Variants in CAMTA1 observed in about 807,000 individuals in gnomAD.
The protein encoded by CAMTA1 is calmodulin binding transcription activator 1.
In CAMTA1, 27 loss-of-function variants were observed where a neutral mutation model predicts 170.9. The observed-to-expected ratio is 0.16, with a 90% CI of 0.12 to 0.22. The LOEUF (loss-of-function observed/expected upper bound fraction) is 0.22, where lower values mean the gene tolerates loss of function less well. CAMTA1 is among the 10% of genes least tolerant of loss of function. The probability of loss-of-function intolerance (pLI) is 1.00; values close to 1 mark genes in which losing one functional copy is unlikely to be tolerated. For missense variants in CAMTA1, 1,619 were observed against 2,217.2 expected, an observed-to-expected ratio of 0.73 and a Z score of 5.42; for synonymous variants, 833 against 891.5, an observed-to-expected ratio of 0.93 and a Z score of 1.17.
chr1:7,525,912 C>T (rs887801530), intron 6 of CAMTA1, among the ~76,000 whole-genome samples: 14 of 152,172 alleles, frequency 9.2e-5, no homozygotes, highest in Admixed American at 1.3e-4. Context: ...CACAGACCCA[C>T]GGCCTGTGGG....
intron 3 of CAMTA1, among the ~76,000 whole-genome samples, chr1:6,864,861 A>G (rs1203599723): frequency 1.3e-5 from 2 of 152,184 alleles, no homozygotes; most frequent in Non-Finnish European, 2.9e-5. Context: ...GGGGTGGACA[A>G]GGCTGAGACG....
intron 5 of CAMTA1, among the ~76,000 whole-genome samples, chr1:7,370,992 A>G (rs1243847682): frequency 7.2e-6 from 1 of 138,656 alleles, no homozygotes; most frequent in Non-Finnish European, 1.5e-5. Flanking sequence ...GCTCACTGCA[A>G]GCTCCACCTC....
rs57797352 is a variant in CAMTA1, at chr1:7,405,668, G to A, written c.439-62162G>A. Among the ~76,000 whole-genome samples the A allele has an allele frequency of 5.2e-3, 796 of 152,216 alleles. 6 individuals are homozygous for A. The highest frequency in any genetic ancestry group is 0.018 in the African/African-American group (732 of 41,514). On this transcript the variant is annotated intron_variant, in intron 5 of 22. Coordinates refer to ENST00000303635, the MANE Select transcript of CAMTA1 (RefSeq NM_015215.4). ...ATTACAGGTGTAAGTCACCATACCC[G>A]GCCTGCAACAAGCTTTGATCTTGAA...
rs138527696 is a variant in CAMTA1 at position 7,718,795 on chromosome 1, G to A, written c.2915-13653G>A. ...TAATCTTGAACTCGTGACTTCAGGT[G>A]ATCCCCCTGCCTCAGCCTCCCAAAG... On this transcript the variant is annotated intron_variant, in intron 11 of 22. Transcript: ENST00000303635. Among the ~76,000 whole-genome samples, 806 of 149,198 alleles carry A rather than the reference G, an allele frequency of 5.4e-3. 2 individuals carry two copies. Among genetic ancestry groups the A allele is most frequent in the Non-Finnish European group, 8.9e-3 (599 of 67,652 alleles).
At chr1:6,853,263 G>A (rs1425066637) in intron 3 of CAMTA1, 2 of 152,142 alleles carry the variant, frequency 1.3e-5, no homozygotes, top group Non-Finnish European at 2.9e-5. Flanking sequence ...TAAAAATATA[G>A]TAGTAGCATA....
At chr1:6,830,451 C>T (rs1445552101) in intron 3 of CAMTA1, among the ~76,000 whole-genome samples, 2 of 151,118 alleles carry the variant, frequency 1.3e-5, no homozygotes, top group Non-Finnish European at 2.9e-5. Context: ...TCAAGCGATT[C>T]TCCTGCCTCA....
chr1:7,621,914 G>C (rs1286494748), intron 6 of CAMTA1, among the ~76,000 whole-genome samples: 1 of 152,192 alleles, frequency 6.6e-6, no homozygotes, highest in Non-Finnish European at 1.5e-5. Context: ...CCTCTAGAGA[G>C]AACGAATATG....
intron 5 of CAMTA1, among the ~76,000 whole-genome samples, chr1:7,439,605 T>C (rs1451243730): frequency 6.6e-6 from 1 of 152,188 alleles, no homozygotes; most frequent in African/African-American, 2.4e-5. Flanking sequence ...CTGCGCATGG[T>C]ACGGCCACCG....
In CAMTA1 at chr1:6,990,811, A is replaced by G. The variant is rs549620426; in HGVS notation, c.235-100493A>G. ...TCTCTCTCTCTCTCTCTCTCTATAT[A>G]TATATATATTTATATATATATGTGT... On this transcript the variant is annotated intron_variant, in intron 3 of 22. Transcript: ENST00000303635. Among the ~76,000 whole-genome samples, 3 of 150,314 alleles carry G rather than the reference A, an allele frequency of 2.0e-5. No homozygotes were observed. The South Asian group carries it at 6.3e-4, about 32-fold the overall frequency.
rs1557903360 is a variant in CAMTA1 at position 6,970,278 on chromosome 1, T to A, written c.235-121026T>A. ...TTTTGGTCCACATGCATATATTTAG[T>A]GTATCTGTAATCCTAATGTGTACGG... On this transcript the variant is annotated intron_variant, in intron 3 of 22. Transcript: ENST00000303635. This position sits in a 1 kb window ranked among gnomAD's most constrained non-coding sequence, Gnocchi z 4.4. 6.6e-6 allele frequency among the ~76,000 whole-genome samples: 1 copy of A among 152,206 alleles called. No individual in the cohort carries two copies.
At chr1:7,199,746 G>A (rs1656304330) in intron 4 of CAMTA1, among the ~76,000 whole-genome samples, 1 of 151,958 alleles carries the variant, frequency 6.6e-6, no homozygotes, top group Admixed American at 6.6e-5. Flanking sequence ...GATGGTGGCT[G>A]GGGAGGGAGG....
At chr1:7,459,525 G>A (rs763171235) in intron 5 of CAMTA1, among the ~76,000 whole-genome samples, 9 of 152,302 alleles carry the variant, frequency 5.9e-5, no homozygotes, top group East Asian at 1.9e-4. Flanking sequence ...TCTTCCTGAC[G>A]TCTAGGCTTT....
chr1:7,660,610 C>T (rs375177785), intron 7 of CAMTA1, among the ~76,000 whole-genome samples: 3 of 152,216 alleles, frequency 2.0e-5, no homozygotes, highest in Non-Finnish European at 2.9e-5. Context: ...GCCATGTCGA[C>T]GCTCTCCTTG....
At chr1:7,283,469 T>G (rs951383566) in intron 5 of CAMTA1, among the ~76,000 whole-genome samples, 4 of 152,164 alleles carry the variant, frequency 2.6e-5, no homozygotes, top group African/African-American at 9.7e-5. Context: ...TCTATTTCTG[T>G]CCCAGTCCTC....
intron 3 of CAMTA1, among the ~76,000 whole-genome samples, chr1:6,952,695 G>A (rs1688716091): frequency 6.6e-6 from 1 of 151,940 alleles, no homozygotes; most frequent in African/African-American, 2.4e-5. Context: ...TTAGCCAGGT[G>A]TGGTGACGGG....
chr1:7,456,872 A>T lies in CAMTA1; in HGVS notation c.439-10958A>T, dbSNP rs2092965149. On this transcript the variant is annotated intron_variant, in intron 5 of 22. Coordinates refer to ENST00000303635, the MANE Select transcript of CAMTA1 (RefSeq NM_015215.4). This position sits in a 1 kb window ranked among gnomAD's most constrained non-coding sequence, Gnocchi z 4.9. Reference sequence around the variant, plus strand: ...TGGCCAGGTTCCTGGACGTGACCCTAAGCAGCAGGCGCTAGAGCTGACGAG... The same window carrying T: ...TGGCCAGGTTCCTGGACGTGACCCTTAGCAGCAGGCGCTAGAGCTGACGAG... Among the ~76,000 whole-genome samples, 1 of 152,186 alleles carries T rather than the reference A, an allele frequency of 6.6e-6. No individual in the cohort carries two copies. Among genetic ancestry groups the T allele is most frequent in the African/African-American group, 2.4e-5 (1 of 41,444 alleles).
chr1:6,997,626 G>C (rs184037119), intron 3 of CAMTA1, among the ~76,000 whole-genome samples: 54 of 148,068 alleles, frequency 3.6e-4, no homozygotes, highest in Admixed American at 7.4e-4. Context: ...TTGACAGGTC[G>C]TCTTCTGTTT....
chr1:6,994,255 A>G (rs944813726), intron 3 of CAMTA1, among the ~76,000 whole-genome samples: 2 of 152,194 alleles, frequency 1.3e-5, no homozygotes, highest in Non-Finnish European at 2.9e-5. Flanking sequence ...TTATAATCAT[A>G]CTTTGGAAGA....
chr1:7,705,398 C>T (rs890268542), intron 11 of CAMTA1, among the ~76,000 whole-genome samples: 11 of 146,382 alleles, frequency 7.5e-5, no homozygotes, highest in African/African-American at 7.6e-5. Context: ...GCGTGTGCGG[C>T]GGGTGTGAGC....
Sources: allele counts gnomAD v4.1 joint callset (sites outside exome capture counted in the v4.1 genomes callset), GRCh38; gene constraint gnomAD v4.1.1; non-coding constraint Gnocchi (gnomAD v3.1); transcripts MANE v1.5; gene names NCBI Gene and HGNC (gene_info 2026-07-23, HGNC 2026-07-21).